The following CDK19 variants were observed in gnomAD, a reference collection of about 807,000 sequenced individuals.
The protein encoded by CDK19 is cyclin dependent kinase 19, also known as cyclin-dependent kinase 19.
In CDK19, 20 loss-of-function variants were observed where a neutral mutation model predicts 68.3. The ratio of observed to expected loss-of-function variants is 0.29; its 90% CI spans 0.21 to 0.43. CDK19 has a LOEUF of 0.43. CDK19 is among the 20% of genes least tolerant of loss of function. The pLI, the probability that CDK19 is intolerant of heterozygous loss-of-function variation, is 1.00. For synonymous variants in CDK19, 221 were observed against 222.8 expected, an observed-to-expected ratio of 0.99 and a Z score of 0.07; for missense variants, 339 against 623.5, an observed-to-expected ratio of 0.54 and a Z score of 4.86.
chr6:110,814,612 C>G (rs1199134545), intron 1 of CDK19: 1 of 466,864 alleles, frequency 2.1e-6, no homozygotes, highest in South Asian at 1.5e-5. Context: ...AGTTCCACAA[C>G]GACCGTCACT....
At chr6:110,654,907 T>C (rs1397042635) in intron 4 of CDK19, among the ~76,000 whole-genome samples, 2 of 150,054 alleles carry the variant, frequency 1.3e-5, no homozygotes, top group African/African-American at 2.5e-5. Flanking sequence ...TGCCATTGCA[T>C]TCCAGCCTGG....
chr6:110,814,675 TC>T, intron 1 of CDK19: 1 of 528,354 alleles, frequency 1.9e-6, no homozygotes, highest in Non-Finnish European at 3.7e-6. Flanking sequence ...CCCGCTGCGT[TC>T]CCCCAAGAGA....
chr6:110,746,695 T>C (rs1420654578), intron 1 of CDK19, among the ~76,000 whole-genome samples: 1 of 152,148 alleles, frequency 6.6e-6, no homozygotes, highest in Non-Finnish European at 1.5e-5. Flanking sequence ...CATGGGGACA[T>C]TCAAAAGCCC....
At chr6:110,645,568 A>G (rs1389587891) in intron 4 of CDK19, 1 of 180,414 alleles carries the variant, frequency 5.5e-6, no homozygotes, top group Non-Finnish European at 1.2e-5. Flanking sequence ...AAAGGGTAGG[A>G]TGGGTGGGCA....
chr6:110,633,111 A>G (rs539292536), intron 5 of CDK19, among the ~76,000 whole-genome samples: 6 of 151,380 alleles, frequency 4.0e-5, no homozygotes, highest in Non-Finnish European at 5.9e-5. Context: ...CCCAGCCACT[A>G]CGGAGGCTGA....
At position 110,611,065 on chromosome 6, in the gene CDK19, A is replaced by G. The variant is rs1416678503; in HGVS notation, c.*3470T>C. ...TTCAAAACCACAGAGATATAAAAAT[A>G]TACATAATCCTTGGTCTTTGTATGT... is the stretch of plus-strand genomic sequence containing the variant. On this transcript the variant is annotated 3_prime_UTR_variant, in exon 13 of 13. Coordinates refer to ENST00000368911, the MANE Select transcript of CDK19 (RefSeq NM_015076.5). 2 of 152,236 alleles carry G rather than the reference A, an allele frequency of 1.3e-5. No individual in the cohort carries two copies. The highest frequency in any genetic ancestry group is 4.8e-5 in the African/African-American group (2 of 41,460). The allele number at this position is 152,236 out of a possible 1,614,324, so 9.4% of individuals were successfully genotyped here.
At chr6:110,798,450 C>T (rs1782102900) in intron 1 of CDK19, among the ~76,000 whole-genome samples, 1 of 151,722 alleles carries the variant, frequency 6.6e-6, no homozygotes. Flanking sequence ...CATGGTGAAA[C>T]CCCATCTCTA....
At chr6:110,788,055 G>T (rs1404019349) in intron 1 of CDK19, among the ~76,000 whole-genome samples, 1 of 152,024 alleles carries the variant, frequency 6.6e-6, no homozygotes, top group Non-Finnish European at 1.5e-5. Context: ...AGTCAGGCTG[G>T]TCTTGAACTC....
intron 1 of CDK19, among the ~76,000 whole-genome samples, chr6:110,806,946 C>G (rs968281503): frequency 7.9e-5 from 12 of 151,242 alleles, no homozygotes; most frequent in Middle Eastern, 3.4e-3. Flanking sequence ...CCACTGCACT[C>G]CAGCCTGGGT....
intron 1 of CDK19, among the ~76,000 whole-genome samples, chr6:110,797,808 A>T (rs1407835364): frequency 6.6e-6 from 1 of 152,080 alleles, no homozygotes; most frequent in Non-Finnish European, 1.5e-5. Flanking sequence ...AACATGGTGA[A>T]ACCCCATCTC....
intron 4 of CDK19, chr6:110,646,521 T>G: frequency 7.6e-7 from 1 of 1,310,830 alleles, no homozygotes; most frequent in Non-Finnish European, 1.0e-6. Flanking sequence ...GAAACCGACG[T>G]GCGCCTCCAC....
intron 1 of CDK19, among the ~76,000 whole-genome samples, chr6:110,754,699 C>G (rs1399736196): frequency 6.6e-6 from 1 of 152,078 alleles, no homozygotes. Flanking sequence ...CCAGGATGCT[C>G]TCGATCTCCT....
At chr6:110,787,426 GT>G (rs969504677) in intron 1 of CDK19, among the ~76,000 whole-genome samples, 2 of 151,504 alleles carry the variant, frequency 1.3e-5, no homozygotes, top group Non-Finnish European at 2.9e-5. Context: ...TCTCCTCAAT[GT>G]TTTTTTTGTT....
intron 4 of CDK19, among the ~76,000 whole-genome samples, chr6:110,660,105 T>G (rs1164418401): frequency 6.6e-6 from 1 of 152,236 alleles, no homozygotes; most frequent in Non-Finnish European, 1.5e-5. Flanking sequence ...TAGCTGGGAC[T>G]GCAGGCATGT....
chr6:110,693,248 G>A (rs927460859), intron 2 of CDK19, among the ~76,000 whole-genome samples: 7 of 152,158 alleles, frequency 4.6e-5, no homozygotes, highest in African/African-American at 1.7e-4. Flanking sequence ...GAAGCAGCTG[G>A]CCACTGCAGT....
chr6:110,706,828 T>G (rs1007050158), intron 2 of CDK19: 3 of 210,206 alleles, frequency 1.4e-5, no homozygotes, highest in African/African-American at 6.9e-5. Flanking sequence ...ATATCACCTT[T>G]CTTGTAGATT....
At chr6:110,680,830 C>A (rs932826085) in intron 2 of CDK19, among the ~76,000 whole-genome samples, 13 of 151,936 alleles carry the variant, frequency 8.6e-5, no homozygotes, top group African/African-American at 3.1e-4. Context: ...AACCCCGTCC[C>A]TACTAAAAAT....
At chr6:110,748,752 G>A (rs1393966848) in intron 1 of CDK19, among the ~76,000 whole-genome samples, 1 of 152,224 alleles carries the variant, frequency 6.6e-6, no homozygotes, top group Non-Finnish European at 1.5e-5. Flanking sequence ...ACATGAGACA[G>A]GGAAGCTTTA....
rs760314559 is a variant in CDK19, at chr6:110,626,973, A to G, written c.790+29T>C. ...AAATGATTTTGAAATATGACTCAAAATATGACTTTAAAAAGGAAAATAAAT... is the reference window on the plus strand; with the variant it reads ...AAATGATTTTGAAATATGACTCAAAGTATGACTTTAAAAAGGAAAATAAAT... On this transcript the variant is annotated intron_variant, in intron 7 of 12. Coordinates refer to ENST00000368911, the MANE Select transcript of CDK19 (RefSeq NM_015076.5). 4 of 1,580,974 alleles carry G rather than the reference A, an allele frequency of 2.5e-6. No homozygotes were observed. In the South Asian group the frequency reaches 3.5e-5, roughly 14 times the overall value.
Sources: allele counts gnomAD v4.1 joint callset (sites outside exome capture counted in the v4.1 genomes callset), GRCh38; gene constraint gnomAD v4.1.1; transcripts MANE v1.5; gene names NCBI Gene and HGNC (gene_info 2026-07-23, HGNC 2026-07-21).